Variants in STARD13 observed in about 807,000 individuals in gnomAD.
The protein encoded by STARD13 is StAR related lipid transfer domain containing 13.
In STARD13, 62 loss-of-function variants were observed where a neutral mutation model predicts 106.4. The ratio of observed to expected loss-of-function variants is 0.58; its 90% CI spans 0.48 to 0.72. The LOEUF (loss-of-function observed/expected upper bound fraction) is 0.72. Among genes scored for constraint, STARD13 ranks in the 30% least tolerant of loss-of-function variants. The pLI, the probability that STARD13 is intolerant of heterozygous loss-of-function variation, is 0.00. For synonymous variants in STARD13, 565 were observed against 553.0 expected (o/e 1.02, Z -0.31); for missense variants, 1,387 against 1,424.0 (o/e 0.97, Z 0.42).
At chr13:33,615,359 G>T in the STARD13 span, among the ~76,000 whole-genome samples, 10 of 152,110 alleles carry the variant, frequency 6.6e-5, no homozygotes, top group African/African-American at 2.4e-4. Flanking sequence ...TGGACAGCTG[G>T]TTGCTGATAC....
intron 1 of STARD13, among the ~76,000 whole-genome samples, chr13:33,274,476 T>G (rs1284151130): frequency 6.6e-6 from 1 of 152,162 alleles, no homozygotes; most frequent in Non-Finnish European, 1.5e-5. Flanking sequence ...TGGGATTAAG[T>G]CACCCAGTCT....
chr13:33,444,709 A>G, the STARD13 span, among the ~76,000 whole-genome samples: 3 of 152,186 alleles, frequency 2.0e-5, no homozygotes, highest in Non-Finnish European at 4.4e-5. Context: ...TTGAGGCTGC[A>G]GTGAGCCAGT....
the STARD13 span, among the ~76,000 whole-genome samples, chr13:33,656,410 G>A: frequency 6.6e-6 from 1 of 152,220 alleles, no homozygotes; most frequent in African/African-American, 2.4e-5. Context: ...ATTCAGGTAA[G>A]CTTCTGTTTC....
At chr13:33,215,087 G>A (rs1887953490) in intron 1 of STARD13, among the ~76,000 whole-genome samples, 1 of 125,870 alleles carries the variant, frequency 7.9e-6, no homozygotes, top group Admixed American at 9.9e-5. Context: ...AGAGGTAAGT[G>A]CATCAGAAAA....
the STARD13 span, among the ~76,000 whole-genome samples, chr13:33,641,309 G>A: frequency 6.6e-6 from 1 of 151,142 alleles, no homozygotes; most frequent in Non-Finnish European, 1.5e-5. Flanking sequence ...TCAAACTCCT[G>A]AGCTCAAATG....
the STARD13 span, among the ~76,000 whole-genome samples, chr13:33,419,093 T>A: frequency 0.16 from 23,916 of 152,082 alleles, 4,499 homozygotes; most frequent in African/African-American, 0.44. Context: ...CAGCAATGGA[T>A]CAAAGCTAGA....
chr13:33,546,082 T>C, the STARD13 span, among the ~76,000 whole-genome samples: 1 of 152,260 alleles, frequency 6.6e-6, no homozygotes, highest in Non-Finnish European at 1.5e-5. Context: ...GTAAACACTC[T>C]TATGAAATGA....
rs192681874 is a variant in STARD13 at position 33,146,249 on chromosome 13, G to A, written c.324-3876C>T. Among the ~76,000 whole-genome samples, 18 of 152,220 alleles carry A rather than the reference G, an allele frequency of 1.2e-4. No individual in the cohort carries two copies. In the East Asian group the frequency reaches 1.5e-3, roughly 13 times the overall value. On this transcript the variant is annotated intron_variant, in intron 3 of 13. Transcript: ENST00000336934. ...TGAGGCAGGAGAATTGCTTGAACCC[G>A]GGAGGCGGAGGTTGCAGCGAGCCGA...
the STARD13 span, among the ~76,000 whole-genome samples, chr13:33,498,106 C>T: frequency 6.6e-6 from 1 of 152,144 alleles, no homozygotes; most frequent in Non-Finnish European, 1.5e-5. Context: ...ACTGATACTT[C>T]CATGTGTCTA....
chr13:33,455,973 C>A, the STARD13 span, among the ~76,000 whole-genome samples: 2 of 151,894 alleles, frequency 1.3e-5, no homozygotes, highest in South Asian at 2.1e-4. Flanking sequence ...TAAATAAATA[C>A]ATAAATAAAT....
chr13:33,249,074 G>C (rs1889969920), intron 1 of STARD13, among the ~76,000 whole-genome samples: 1 of 152,146 alleles, frequency 6.6e-6, no homozygotes, highest in Non-Finnish European at 1.5e-5. Context: ...TGTGTTTCAT[G>C]AAAAATAGGT....
chr13:33,539,704 A>C, the STARD13 span, among the ~76,000 whole-genome samples: 2 of 152,252 alleles, frequency 1.3e-5, no homozygotes, highest in Non-Finnish European at 2.9e-5. Flanking sequence ...TTATTGTGCC[A>C]TACTAAAAAT....
chr13:33,571,957 A>G, the STARD13 span, among the ~76,000 whole-genome samples: 1 of 152,176 alleles, frequency 6.6e-6, no homozygotes, highest in Non-Finnish European at 1.5e-5. Flanking sequence ...TTGCTAGGCC[A>G]ATGTCCTCAG....
chr13:33,565,215 G>A, the STARD13 span, among the ~76,000 whole-genome samples: 1 of 146,256 alleles, frequency 6.8e-6, no homozygotes, highest in Non-Finnish European at 1.5e-5. Context: ...GCTTACCAGA[G>A]GCCAGGAAGT....
chr13:33,456,954 A>C, the STARD13 span, among the ~76,000 whole-genome samples: 5 of 152,264 alleles, frequency 3.3e-5, no homozygotes, highest in African/African-American at 1.2e-4. Flanking sequence ...AACATTTACT[A>C]TCTGGCTCTC....
chr13:33,658,736 C>T, the STARD13 span, among the ~76,000 whole-genome samples: 1 of 152,168 alleles, frequency 6.6e-6, no homozygotes, highest in Non-Finnish European at 1.5e-5. Context: ...TATGCTAAGA[C>T]CGTGGCTAGC....
chr13:33,385,449 A>T, the STARD13 span, among the ~76,000 whole-genome samples: 1 of 142,298 alleles, frequency 7.0e-6, no homozygotes, highest in Non-Finnish European at 1.5e-5. Context: ...TGAGTAAAAG[A>T]GTATTTGCCC....
the STARD13 span, among the ~76,000 whole-genome samples, chr13:33,491,662 C>T: frequency 1.3e-5 from 2 of 152,140 alleles, no homozygotes; most frequent in African/African-American, 4.8e-5. Context: ...ACTTTATTTG[C>T]ACATTACAAC....
the STARD13 span, among the ~76,000 whole-genome samples, chr13:33,427,731 G>A: frequency 2.9e-4 from 44 of 152,152 alleles, 1 homozygote; most frequent in South Asian, 3.9e-3. Flanking sequence ...CGAGGCGGGC[G>A]GATCACCTGA....
Sources: gnomAD v4.1 joint callset for allele counts (sites outside exome capture counted in the v4.1 genomes callset) on GRCh38, gnomAD v4.1.1 for gene constraint, MANE v1.5 for transcripts, NCBI Gene and HGNC (gene_info 2026-07-23, HGNC 2026-07-21) for gene names.